IGHMBP2: variants seen among roughly 807,000 people sequenced by gnomAD.
IGHMBP2 encodes immunoglobulin mu DNA binding protein 2.
In IGHMBP2, 81 loss-of-function variants were observed where a neutral mutation model predicts 96.0. The ratio of observed to expected loss-of-function variants is 0.84; its 90% CI spans 0.71 to 1.01. The LOEUF is 1.01. IGHMBP2 is among the 50% of genes least tolerant of loss of function. The pLI is 0.00. For missense variants in IGHMBP2, 1,227 were observed against 1,306.3 expected (o/e 0.94, Z 0.94); for synonymous variants, 557 against 548.9 (o/e 1.01, Z -0.21).
rs1236878780 is a variant in IGHMBP2 at position 68,908,622 on chromosome 11, A to G, written c.538A>G (p.Ser180Gly). Residue 180 changes from serine (S) to glycine (G), a missense_variant, in exon 4 of 15, where the codon AGT becomes GGT. Physicochemically the swap from Ser to Gly is moderately conservative, Grantham distance 56. This residue lies in a region of IGHMBP2 where 507 missense variants were observed against 496.9 expected (regional missense o/e 1.02). Coordinates refer to ENST00000255078, the MANE Select transcript of IGHMBP2 (RefSeq NM_002180.3). ...LFGRSAPSPA[S>G]EIHPLTFFNT... is the part of the protein sequence containing the mutation. ...TGGCAGATCTGCTCCCAGTCCTGCC[A>G]GTGAAATACGTAAGAACTTCTGAGT... 6.2e-7 allele frequency: 1 copy of G among 1,610,502 alleles called. No homozygotes were observed. Among genetic ancestry groups the G allele is most frequent in the Non-Finnish European group, 8.5e-7 (1 of 1,176,728 alleles).
intron 5 of IGHMBP2, among the ~76,000 whole-genome samples, chr11:68,914,339 C>G (rs963880701): frequency 6.6e-6 from 1 of 151,896 alleles, no homozygotes; most frequent in Admixed American, 6.6e-5. Flanking sequence ...CTACAGTGTT[C>G]GGGAGACAAC....
Position 68,936,343 on chromosome 11 carries a change from A to T in IGHMBP2, c.1863A>T (p.Ala621=). The change falls in exon 13 of 15, where the codon GCA becomes GCT. Residue 621 remains alanine, a synonymous_variant. Coordinates refer to ENST00000255078, the MANE Select transcript of IGHMBP2 (RefSeq NM_002180.3). Reference sequence around the variant, plus strand: ...ACTCCCGTACTGTCAACAACCATGCATTTTTGAAGACCCTGGTGGAGTATT... The same window carrying T: ...ACTCCCGTACTGTCAACAACCATGCTTTTTTGAAGACCCTGGTGGAGTATT... ...ICDSRTVNNH[A]FLKTLVEYFT... The T allele has an allele frequency of 1.2e-6, 2 of 1,614,170 alleles. No homozygotes were observed. The highest frequency in any genetic ancestry group is 1.7e-6 in the Non-Finnish European group (2 of 1,180,018).
chr11:68,933,975 A>T, intron 10 of IGHMBP2, 62 bp downstream of exon 10: 4 of 1,183,378 alleles, frequency 3.4e-6, no homozygotes, highest in African/African-American at 1.5e-5. Context: ...CTTTAAAAAT[A>T]AAAGGCACTT....
intron 8 of IGHMBP2, chr11:68,932,800 C>T (rs1010583480): frequency 8.4e-5 from 14 of 167,602 alleles, no homozygotes; most frequent in Non-Finnish European, 1.4e-4. Context: ...TCAGACTCAC[C>T]GGCTTAAAAT....
In IGHMBP2 at chr11:68,933,859, G is replaced by C. The variant is rs201964221; in HGVS notation, c.1483G>C (p.Gly495Arg). ...GVPLLLVDTA[G>R]CGLFELEEED... Reference sequence around the variant, plus strand: ...GCCCCTGCTCTTGGTGGACACCGCCGGCTGCGGGCTGTTTGAGCTGGAGGA... The same window carrying C: ...GCCCCTGCTCTTGGTGGACACCGCCCGCTGCGGGCTGTTTGAGCTGGAGGA... Residue 495 changes from glycine to arginine, a missense_variant, in exon 10 of 15, where the codon GGC becomes CGC. Coordinates refer to ENST00000255078, the MANE Select transcript of IGHMBP2 (RefSeq NM_002180.3). 1 of 1,606,828 alleles carries C rather than the reference G, an allele frequency of 6.2e-7. No individual in the cohort carries two copies.
intron 6 of IGHMBP2, 93 bp downstream of exon 6, chr11:68,915,116 C>T: frequency 2.2e-6 from 2 of 891,020 alleles, no homozygotes; most frequent in Non-Finnish European, 3.6e-6. Context: ...TCCTCTTGAC[C>T]TTCTCTTGCT....
chr11:68,924,106 T>C (rs887346252), intron 7 of IGHMBP2, among the ~76,000 whole-genome samples: 1 of 151,938 alleles, frequency 6.6e-6, no homozygotes, highest in Non-Finnish European at 1.5e-5. Flanking sequence ...TCCTGAAGAG[T>C]GTGGTTTCAG....
At chr11:68,925,889 G>T (rs780402843) in intron 7 of IGHMBP2, among the ~76,000 whole-genome samples, 2 of 152,146 alleles carry the variant, frequency 1.3e-5, no homozygotes, top group Non-Finnish European at 2.9e-5. Context: ...TGTCTTTTGA[G>T]TGTGTGATTA....
chr11:68,904,788 C>CTTTTTTT (rs1156973115), intron 1 of IGHMBP2, among the ~76,000 whole-genome samples: 1 of 78,356 alleles, frequency 1.3e-5, no homozygotes, highest in Non-Finnish European at 3.2e-5. Flanking sequence ...GTGTAAGTTT[C>CTTTTTTT]TTTTTTTTCT....
chr11:68,906,162 C>T lies in IGHMBP2; in HGVS notation c.180C>T (p.Tyr60=), dbSNP rs34617762. 18,012 of 1,614,126 alleles carry T rather than the reference C, an allele frequency of 0.011. 141 individuals carry two copies. Among genetic ancestry groups the T allele is most frequent in the Middle Eastern group, 0.016 (98 of 6,054 alleles). ...TATCCAGCCAGCGCACTGGGCTGTA[C>T]GGACGGCTGCTGGTCACCTTTGAGC... ...LQVSSQRTGL[Y]GRLLVTFEPR... The change falls in exon 2 of 15, where the codon TAC becomes TAT. Residue 60 remains tyrosine (Y), a synonymous_variant. Transcript: ENST00000255078.
rs1426167392 is a variant in IGHMBP2 at position 68,934,546 on chromosome 11, A to G, written c.1620A>G (p.Pro540=). ...VPARDIAVVS[P]YNLQVDLLRQ... ...CCCGTGACATTGCTGTGGTCTCGCC[A>G]TACAACCTCCAGGTACGAGGGTTTC... Residue 540 remains proline (P), a synonymous_variant, in exon 11 of 15, where the codon CCA becomes CCG. Coordinates refer to ENST00000255078, the MANE Select transcript of IGHMBP2 (RefSeq NM_002180.3). The G allele has an allele frequency of 1.2e-6, 2 of 1,611,522 alleles. No individual in the cohort carries two copies. The highest frequency in any genetic ancestry group is 1.3e-5 in the African/African-American group (1 of 74,978).
chr11:68,904,803 C>CTTTTCTTTCTTT (rs892709461), intron 1 of IGHMBP2, among the ~76,000 whole-genome samples: 1 of 120,996 alleles, frequency 8.3e-6, no homozygotes, highest in African/African-American at 3.0e-5. Flanking sequence ...TTTTCTTTTT[C>CTTTTCTTTCTTT]TTTTTTTTTT....
intron 7 of IGHMBP2, among the ~76,000 whole-genome samples, chr11:68,924,480 C>T (rs892472842): frequency 8.5e-5 from 13 of 152,258 alleles, no homozygotes; most frequent in African/African-American, 3.1e-4. Flanking sequence ...AGGCTGCGAT[C>T]GAGGTGTCAG....
At chr11:68,932,822 TG>T (rs1043832279) in intron 8 of IGHMBP2, 3 of 170,652 alleles carry the variant, frequency 1.8e-5, no homozygotes, top group Middle Eastern at 3.1e-3. Context: ...AAGGTGTGGG[TG>T]GGGTTGCTTC....
At chr11:68,912,609 A>G (rs1260036009) in intron 5 of IGHMBP2, among the ~76,000 whole-genome samples, 1 of 152,030 alleles carries the variant, frequency 6.6e-6, no homozygotes, top group African/African-American at 2.4e-5. Context: ...ATGTTGGATA[A>G]TGATGAGAAT....
Position 68,915,026 on chromosome 11 carries a change from A to G in IGHMBP2, c.912+3A>G, listed in dbSNP as rs1555244128. The G allele has an allele frequency of 6.2e-7, 1 of 1,613,256 alleles. No individual in the cohort carries two copies. Among genetic ancestry groups the G allele is most frequent in the Non-Finnish European group, 8.5e-7 (1 of 1,179,404 alleles). ...GGAAGGACATCGACCAGGTCTTTGT[A>G]GGTGTCATGGCCAGTGTCCATGTGG... On this transcript the variant is annotated splice_donor_region_variant and intron_variant, in intron 6 of 14. Transcript: ENST00000255078.
chr11:68,925,913 G>A (rs531122857), intron 7 of IGHMBP2, among the ~76,000 whole-genome samples: 2 of 152,274 alleles, frequency 1.3e-5, no homozygotes, highest in African/African-American at 4.8e-5. Flanking sequence ...TGTGTTAGGT[G>A]TGGATCTCTG....
chr11:68,940,026 G>C lies in IGHMBP2; in HGVS notation c.*295G>C, dbSNP rs983617181. On this transcript the variant is annotated 3_prime_UTR_variant, in exon 15 of 15. Coordinates refer to ENST00000255078, the MANE Select transcript of IGHMBP2 (RefSeq NM_002180.3). ...CCCACATCCCAGCCTCTGGATCCTGGGGAAGGTTCCAGTCCCTGGAGAATA... is the reference window on the plus strand; with the variant it reads ...CCCACATCCCAGCCTCTGGATCCTGCGGAAGGTTCCAGTCCCTGGAGAATA... The C allele has an allele frequency of 1.3e-5, 6 of 456,934 alleles. No individual in the cohort carries two copies. The highest frequency in any genetic ancestry group is 1.2e-4 in the African/African-American group (6 of 50,928). The allele number at this position is 456,934 out of a possible 1,614,324, so 28.3% of individuals were successfully genotyped here. A position where few individuals can be genotyped will look rare whatever the true frequency, so the allele number is the denominator to read the frequency against.
At chr11:68,921,215 C>A (rs1858865067) in intron 7 of IGHMBP2, among the ~76,000 whole-genome samples, 1 of 149,752 alleles carries the variant, frequency 6.7e-6, no homozygotes, top group Non-Finnish European at 1.5e-5. Context: ...TCTCACTATG[C>A]CCCATGATTG....
Sources: allele counts gnomAD v4.1 joint callset (sites outside exome capture counted in the v4.1 genomes callset), GRCh38; gene constraint gnomAD v4.1.1; regional missense constraint gnomAD v4.1.1; transcripts MANE v1.5; gene names NCBI Gene and HGNC (gene_info 2026-07-23, HGNC 2026-07-21).